KCNH7: variants seen among roughly 807,000 people sequenced by gnomAD.
KCNH7 encodes voltage-gated inwardly rectifying potassium channel KCNH7.
Under a neutral mutation model 120.8 loss-of-function variants are expected in KCNH7, and 49 were observed. The ratio of observed to expected loss-of-function variants is 0.41; its 90% confidence interval spans 0.32 to 0.51. The LOEUF (loss-of-function observed/expected upper bound fraction) is 0.51, where lower values mean the gene tolerates loss of function less well. KCNH7 is among the 20% of genes least tolerant of loss of function. The pLI is 0.38. For missense variants in KCNH7, 1,097 were observed against 1,446.6 expected (o/e 0.76, Z 3.92); for synonymous variants, 547 against 516.1 (o/e 1.06, Z -0.81).
chr2:162,829,528 C>CT (rs750740539), intron 2 of KCNH7, among the ~76,000 whole-genome samples: 2 of 152,068 alleles, frequency 1.3e-5, no homozygotes, highest in Non-Finnish European at 2.9e-5. Flanking sequence ...CTGGTTTGGG[C>CT]TATTAGAGAT....
chr2:162,639,242 T>C (rs566315036), intron 2 of KCNH7, among the ~76,000 whole-genome samples: 15 of 152,310 alleles, frequency 9.8e-5, no homozygotes, highest in African/African-American at 3.4e-4. Flanking sequence ...AAAATTTAAA[T>C]TATTACCTTG....
intron 2 of KCNH7, among the ~76,000 whole-genome samples, chr2:162,782,152 C>A (rs999139796): frequency 6.6e-6 from 1 of 152,172 alleles, no homozygotes; most frequent in African/African-American, 2.4e-5. Flanking sequence ...TTTGTCCACC[C>A]TCATATGCCA....
At chr2:162,502,756 G>A (rs1209114229) in intron 6 of KCNH7, among the ~76,000 whole-genome samples, 2 of 151,934 alleles carry the variant, frequency 1.3e-5, no homozygotes, top group Admixed American at 6.6e-5. Context: ...CCCAGAGCAG[G>A]TGCTTCTCAG....
At chr2:162,623,516 T>C (rs1683436004) in intron 2 of KCNH7, among the ~76,000 whole-genome samples, 1 of 152,200 alleles carries the variant, frequency 6.6e-6, no homozygotes, top group Non-Finnish European at 1.5e-5. Context: ...TCTATTAATA[T>C]CATGGACACA....
At chr2:162,405,303 A>G (rs1687178401) in intron 9 of KCNH7, among the ~76,000 whole-genome samples, 1 of 151,966 alleles carries the variant, frequency 6.6e-6, no homozygotes, top group Admixed American at 6.6e-5. Flanking sequence ...GCTTTCTGTG[A>G]TTGTTAAATC....
At chr2:162,549,878 A>G (rs1313837084) in intron 2 of KCNH7, among the ~76,000 whole-genome samples, 1 of 152,206 alleles carries the variant, frequency 6.6e-6, no homozygotes, top group Non-Finnish European at 1.5e-5. Context: ...ATCACTAGGA[A>G]AACATAGTTA....
At chr2:162,635,098 G>A (rs1683908938) in intron 2 of KCNH7, among the ~76,000 whole-genome samples, 1 of 152,100 alleles carries the variant, frequency 6.6e-6, no homozygotes, top group Non-Finnish European at 1.5e-5. Flanking sequence ...ATATTGGACA[G>A]TGTAAAAAAG....
At chr2:162,528,689 T>C (rs1691802190) in intron 3 of KCNH7, among the ~76,000 whole-genome samples, 3 of 151,908 alleles carry the variant, frequency 2.0e-5, no homozygotes, top group Admixed American at 1.3e-4. Context: ...TAGAGGACCA[T>C]TGTAAAAGAT....
chr2:162,674,874 A>G (rs1028462295), intron 2 of KCNH7, among the ~76,000 whole-genome samples: 1 of 151,688 alleles, frequency 6.6e-6, no homozygotes, highest in African/African-American at 2.4e-5. Context: ...TTTGGAAAAT[A>G]TCTTTATGAC....
rs1445520404 is a variant in KCNH7 at position 162,446,442 on chromosome 2, A to G, written c.1130T>C (p.Val377Ala). 1.9e-6 allele frequency: 3 copies of G among 1,596,994 alleles called. No homozygotes were observed. The highest frequency in any genetic ancestry group is 2.6e-6 in the Non-Finnish European group (3 of 1,170,870). The change falls in exon 7 of 16, where the codon GTT (valine) becomes GCT (alanine). Residue 377 changes from valine to alanine, a missense_variant and splice_region_variant. Transcript: ENST00000332142. ...THNVTEKVTQVLSLGADVLPE... is the reference protein window; with the variant it reads ...THNVTEKVTQALSLGADVLPE... Reference sequence around the variant, plus strand: ...TAGGACATCTGCTCCTAAAGAGAGAACCTGAATGTGCAAAAGAAAATCATA... The same window carrying G: ...TAGGACATCTGCTCCTAAAGAGAGAGCCTGAATGTGCAAAAGAAAATCATA...
At chr2:162,776,098 C>CA (rs1341149934) in intron 2 of KCNH7, among the ~76,000 whole-genome samples, 1 of 152,134 alleles carries the variant, frequency 6.6e-6, no homozygotes, top group Admixed American at 6.6e-5. Flanking sequence ...TACACATTTA[C>CA]AAAAATAAGC....
chr2:162,490,536 A>AG (rs1690264036), intron 6 of KCNH7, among the ~76,000 whole-genome samples: 1 of 152,196 alleles, frequency 6.6e-6, no homozygotes, highest in Admixed American at 6.5e-5. Flanking sequence ...GGATGCCTGG[A>AG]GGGTGAGTAA....
chr2:162,823,644 T>C (rs1011233080), intron 2 of KCNH7, among the ~76,000 whole-genome samples: 6 of 152,134 alleles, frequency 3.9e-5, no homozygotes, highest in Non-Finnish European at 7.4e-5. Flanking sequence ...TTAGAAAAAG[T>C]CTCTGGTCTT....
intron 2 of KCNH7, among the ~76,000 whole-genome samples, chr2:162,719,486 G>T (rs1687249175): frequency 6.6e-6 from 1 of 151,868 alleles, no homozygotes; most frequent in African/African-American, 2.4e-5. Context: ...AAGTGAACTG[G>T]ATTATTTTTT....
chr2:162,681,354 T>G (rs1042225138), intron 2 of KCNH7, among the ~76,000 whole-genome samples: 3 of 151,750 alleles, frequency 2.0e-5, no homozygotes, highest in Non-Finnish European at 4.4e-5. Context: ...GAGTGGTGAT[T>G]GAATTGAGGC....
At chr2:162,432,475 T>C (rs1688101857) in intron 8 of KCNH7, among the ~76,000 whole-genome samples, 1 of 152,080 alleles carries the variant, frequency 6.6e-6, no homozygotes, top group South Asian at 2.1e-4. Context: ...ATTTCATTAA[T>C]AGGGATTTAT....
intron 3 of KCNH7, among the ~76,000 whole-genome samples, chr2:162,521,950 T>C (rs1342412314): frequency 6.6e-6 from 1 of 151,874 alleles, no homozygotes; most frequent in Non-Finnish European, 1.5e-5. Flanking sequence ...ATCATTCTAC[T>C]ACTTCTCTCT....
chr2:162,610,061 G>A (rs79199435), intron 2 of KCNH7, among the ~76,000 whole-genome samples: 3 of 152,172 alleles, frequency 2.0e-5, no homozygotes, highest in Non-Finnish European at 1.5e-5. Context: ...ACATAACACA[G>A]CTGGGTTAAA....
At chr2:162,603,132 A>G (rs1346500908) in intron 2 of KCNH7, among the ~76,000 whole-genome samples, 1 of 151,988 alleles carries the variant, frequency 6.6e-6, no homozygotes, top group Non-Finnish European at 1.5e-5. Flanking sequence ...TTTGAGGTGT[A>G]GGGTCACTAG....
Sources: gnomAD v4.1 joint callset for allele counts (sites outside exome capture counted in the v4.1 genomes callset) on GRCh38, gnomAD v4.1.1 for gene constraint, MANE v1.5 for transcripts, NCBI Gene and HGNC (gene_info 2026-07-23, HGNC 2026-07-21) for gene names.